The following KCNIP4 variants were observed in gnomAD, a reference collection of about 807,000 sequenced individuals.
The protein encoded by KCNIP4 is Kv channel-interacting protein 4.
Under a neutral mutation model 34.0 loss-of-function variants are expected in KCNIP4, and 12 were observed. The ratio of observed to expected loss-of-function variants is 0.35; its 90% confidence interval spans 0.23 to 0.57. The LOEUF is 0.57. Ranked by LOEUF, KCNIP4 falls within the 20% of genes least tolerant of loss-of-function variation. KCNIP4 has a pLI of 0.83. For missense variants in KCNIP4, 238 were observed against 311.7 expected (o/e 0.76, Z 1.78); for synonymous variants, 124 against 102.2 (o/e 1.21, Z -1.29).
intron 1 of KCNIP4, among the ~76,000 whole-genome samples, chr4:21,561,787 T>C (rs1406108649): frequency 6.6e-6 from 1 of 152,014 alleles, no homozygotes; most frequent in African/African-American, 2.4e-5. Context: ...TTCACATACA[T>C]TACATCCTTT....
At position 21,406,095 on chromosome 4, in the gene KCNIP4, A is replaced by G. The variant is rs561161472; in HGVS notation, c.62-523386T>C. On this transcript the variant is annotated intron_variant, in intron 1 of 8. Coordinates refer to ENST00000382152, the MANE Select transcript of KCNIP4 (RefSeq NM_025221.6). ...GGTGATCCACCCGCCTCAGCTTCCC[A>G]AAGTGTTAGGATTACAGGCATGAGC... 4.6e-5 allele frequency among the ~76,000 whole-genome samples: 7 copies of G among 152,240 alleles called. No individual in the cohort carries two copies. In the South Asian group the frequency reaches 1.5e-3, roughly 32 times the overall value.
At chr4:20,836,016 C>G (rs1183226508) in intron 3 of KCNIP4, among the ~76,000 whole-genome samples, 7 of 152,158 alleles carry the variant, frequency 4.6e-5, no homozygotes, top group Non-Finnish European at 1.0e-4. Flanking sequence ...ACTGCAATAT[C>G]TTCTTTACCC....
intron 1 of KCNIP4, among the ~76,000 whole-genome samples, chr4:21,577,349 G>C (rs2109063469): frequency 6.6e-6 from 1 of 152,238 alleles, no homozygotes; most frequent in Admixed American, 6.5e-5. Flanking sequence ...TGCAATTCCA[G>C]CTGCGCACTG....
chr4:21,760,710 A>G (rs894843890), intron 1 of KCNIP4, among the ~76,000 whole-genome samples: 4 of 152,084 alleles, frequency 2.6e-5, no homozygotes, highest in African/African-American at 9.7e-5. Context: ...ATTTCTGTCA[A>G]GTATTAAAAA....
At chr4:20,772,233 AG>A (rs1005474437) in intron 3 of KCNIP4, among the ~76,000 whole-genome samples, 4 of 152,274 alleles carry the variant, frequency 2.6e-5, no homozygotes, top group African/African-American at 9.6e-5. Flanking sequence ...AAGTTAACTA[AG>A]GGGTAACTTT....
intron 1 of KCNIP4, among the ~76,000 whole-genome samples, chr4:21,439,129 T>G (rs1258494078): frequency 7.3e-6 from 1 of 137,090 alleles, no homozygotes; most frequent in East Asian, 2.1e-4. Flanking sequence ...GCCACTGCAC[T>G]CCAGCATGGG....
chr4:20,805,836 G>C (rs1035284118), intron 3 of KCNIP4, among the ~76,000 whole-genome samples: 2 of 151,978 alleles, frequency 1.3e-5, no homozygotes, highest in Non-Finnish European at 2.9e-5. Flanking sequence ...CTCCTTACCT[G>C]GTTCAATAGT....
intron 1 of KCNIP4, among the ~76,000 whole-genome samples, chr4:21,288,028 T>C (rs1382204787): frequency 6.6e-6 from 1 of 152,204 alleles, no homozygotes; most frequent in Non-Finnish European, 1.5e-5. Context: ...TTAGAAACTC[T>C]TTCCACCTTA....
chr4:21,501,688 T>TTGTGTGTGTGTGTGTGTG (rs370071298), intron 1 of KCNIP4, among the ~76,000 whole-genome samples: 12,318 of 127,024 alleles, frequency 0.097, 941 homozygotes, highest in Admixed American at 0.14. Context: ...TGCAGAAGCC[T>TTGTGTGTGTGTGTGTGTG]TGTGTGTGTG....
chr4:20,938,777 T>C (rs1314328103), intron 1 of KCNIP4, among the ~76,000 whole-genome samples: 4 of 152,208 alleles, frequency 2.6e-5, no homozygotes, highest in Non-Finnish European at 5.9e-5. Context: ...AATCTTTCTA[T>C]TGCTTATTTT....
intron 3 of KCNIP4, among the ~76,000 whole-genome samples, chr4:20,769,173 A>G (rs1283573089): frequency 6.6e-6 from 1 of 152,186 alleles, no homozygotes; most frequent in Non-Finnish European, 1.5e-5. Flanking sequence ...AATGCAGGAA[A>G]CAATAGCATC....
intron 1 of KCNIP4, among the ~76,000 whole-genome samples, chr4:21,716,056 G>T (rs1465483682): frequency 1.3e-5 from 2 of 152,106 alleles, no homozygotes; most frequent in African/African-American, 4.8e-5. Context: ...AAATGAATTA[G>T]CATCACCATT....
intron 1 of KCNIP4, among the ~76,000 whole-genome samples, chr4:21,141,869 A>C (rs11942259): frequency 0.56 from 84,741 of 151,284 alleles, 24,542 homozygotes; most frequent in African/African-American, 0.71. Context: ...ATAACAACAA[A>C]AAAAAAAAAC....
At chr4:20,908,080 G>T (rs1281738710) in intron 1 of KCNIP4, among the ~76,000 whole-genome samples, 1 of 144,812 alleles carries the variant, frequency 6.9e-6, no homozygotes, top group Non-Finnish European at 1.5e-5. Flanking sequence ...TATCTCTATT[G>T]CAGAGCCTGT....
At chr4:21,633,981 A>G (rs1745937297) in intron 1 of KCNIP4, among the ~76,000 whole-genome samples, 1 of 152,048 alleles carries the variant, frequency 6.6e-6, no homozygotes, top group Non-Finnish European at 1.5e-5. Context: ...TAGTCATCGT[A>G]GAGCTTCTAG....
chr4:21,435,865 G>A (rs1316438014), intron 1 of KCNIP4, among the ~76,000 whole-genome samples: 1 of 152,100 alleles, frequency 6.6e-6, no homozygotes, highest in African/African-American at 2.4e-5. Flanking sequence ...CTTTGCCACT[G>A]ACCTTTAAAT....
intron 1 of KCNIP4, among the ~76,000 whole-genome samples, chr4:21,864,679 CAT>C (rs551471787): frequency 8.2e-4 from 125 of 152,298 alleles, no homozygotes; most frequent in African/African-American, 2.8e-3. Flanking sequence ...CTTTTATCCA[CAT>C]GTCTGGTATC....
At chr4:21,925,583 G>T (rs1303592094) in intron 1 of KCNIP4, among the ~76,000 whole-genome samples, 1 of 152,026 alleles carries the variant, frequency 6.6e-6, no homozygotes, top group Non-Finnish European at 1.5e-5. Context: ...GCACTCAGGA[G>T]ATTCCCACTT....
At chr4:21,054,075 A>AATATTGACAAAATGTCAATATTACGTAG (rs1577605203) in intron 1 of KCNIP4, among the ~76,000 whole-genome samples, 4 of 152,226 alleles carry the variant, frequency 2.6e-5, no homozygotes, top group Admixed American at 1.3e-4. Flanking sequence ...GATTCTACAT[A>AATATTGACAAAATGTCAATATTACGTAG]ATATTGACAA....
Sources: gnomAD v4.1 joint callset for allele counts (sites outside exome capture counted in the v4.1 genomes callset) on GRCh38, gnomAD v4.1.1 for gene constraint, MANE v1.5 for transcripts, NCBI Gene and HGNC (gene_info 2026-07-23, HGNC 2026-07-21) for gene names.